The following CNTNAP2 variants were observed in gnomAD, a reference collection of about 807,000 sequenced individuals.
The protein encoded by CNTNAP2 is contactin associated protein 2.
A neutral mutation model predicts 155.2 loss-of-function variants in CNTNAP2; 98 were observed. The observed-to-expected ratio is 0.63, with a 90% CI of 0.54 to 0.75. The LOEUF (loss-of-function observed/expected upper bound fraction) is 0.75, where lower values mean the gene tolerates loss of function less well. Among genes scored for constraint, CNTNAP2 ranks in the 30% least tolerant of loss-of-function variants. The pLI is 0.00. For synonymous variants in CNTNAP2, 651 were observed against 631.2 expected (o/e 1.03, Z -0.47); for missense variants, 1,727 against 1,688.1 (o/e 1.02, Z -0.40).
chr7:148,317,583 A>G (rs1350775690), intron 21 of CNTNAP2, among the ~76,000 whole-genome samples: 1 of 152,204 alleles, frequency 6.6e-6, no homozygotes, highest in Non-Finnish European at 1.5e-5. Context: ...AGTAAACTGC[A>G]GTCCTGTTAC....
chr7:148,117,663 C>T (rs1252515499), intron 15 of CNTNAP2, among the ~76,000 whole-genome samples: 2 of 152,058 alleles, frequency 1.3e-5, no homozygotes, highest in Non-Finnish European at 2.9e-5. Flanking sequence ...CAAAACAGCC[C>T]CCACCCACCC....
At chr7:147,662,984 C>G (rs1022068657) in intron 13 of CNTNAP2, among the ~76,000 whole-genome samples, 1 of 150,108 alleles carries the variant, frequency 6.7e-6, no homozygotes, top group African/African-American at 2.5e-5. Context: ...CTGGATGTTT[C>G]TGGTTTGTTT....
chr7:146,876,659 G>A (rs1247673192), intron 3 of CNTNAP2, among the ~76,000 whole-genome samples: 1 of 152,076 alleles, frequency 6.6e-6, no homozygotes, highest in Non-Finnish European at 1.5e-5. Flanking sequence ...TTTAAAACAT[G>A]TATTCTCAAG....
At chr7:148,260,601 G>A (rs1796540837) in intron 20 of CNTNAP2, among the ~76,000 whole-genome samples, 1 of 152,194 alleles carries the variant, frequency 6.6e-6, no homozygotes, top group African/African-American at 2.4e-5. Context: ...CGGTTAAAAT[G>A]GGGTGATAAA....
chr7:146,774,306 C>T lies in CNTNAP2; in HGVS notation c.133C>T (p.His45Tyr), dbSNP rs746922194. 2.5e-6 allele frequency: 4 copies of T among 1,613,982 alleles called. No individual in the cohort carries two copies. Among genetic ancestry groups the T allele is most frequent in the South Asian group, 1.1e-5 (1 of 91,064 alleles). ...CDEPLVSGLP[H>Y]VAFSSSSSIS... ...TGAGCCACTTGTCTCTGGACTCCCC[C>T]ATGTGGCTTTCAGCAGCTCCTCCTC... Residue 45 changes from histidine (H) to tyrosine (Y), a missense_variant, in exon 2 of 24, where the codon CAT (histidine) becomes TAT (tyrosine). Transcript: ENST00000361727.
chr7:148,114,341 T>A (rs1804418284), intron 15 of CNTNAP2, among the ~76,000 whole-genome samples: 1 of 152,202 alleles, frequency 6.6e-6, no homozygotes, highest in Non-Finnish European at 1.5e-5. Context: ...AAAAGAACAT[T>A]CTGTCTCATG....
At chr7:146,991,213 T>A (rs367614583) in intron 3 of CNTNAP2, among the ~76,000 whole-genome samples, 1 of 148,828 alleles carries the variant, frequency 6.7e-6, no homozygotes, top group Admixed American at 6.6e-5. Context: ...TTGAAAGATT[T>A]GAGATATAGT....
chr7:147,874,980 T>C (rs1278257351), intron 13 of CNTNAP2, among the ~76,000 whole-genome samples: 1 of 152,184 alleles, frequency 6.6e-6, no homozygotes, highest in Non-Finnish European at 1.5e-5. Context: ...CACCTCAGCC[T>C]AGACTTTGTT....
intron 3 of CNTNAP2, among the ~76,000 whole-genome samples, chr7:146,850,957 T>C (rs780716770): frequency 5.9e-5 from 9 of 152,050 alleles, no homozygotes; most frequent in Non-Finnish European, 1.2e-4. Flanking sequence ...ATAGCGCTTG[T>C]ATATAAGATG....
intron 3 of CNTNAP2, among the ~76,000 whole-genome samples, chr7:146,959,477 C>G (rs371995588): frequency 6.6e-6 from 1 of 151,448 alleles, no homozygotes; most frequent in African/African-American, 2.4e-5. Flanking sequence ...CCCAGCACTT[C>G]GGGAGGCTGA....
At chr7:147,413,806 C>T (rs1391190707) in intron 10 of CNTNAP2, among the ~76,000 whole-genome samples, 1 of 152,054 alleles carries the variant, frequency 6.6e-6, no homozygotes, top group African/African-American at 2.4e-5. Flanking sequence ...TCTGGGCCCC[C>T]AGATACATGA....
intron 1 of CNTNAP2, among the ~76,000 whole-genome samples, chr7:146,129,262 A>T (rs1486726852): frequency 6.6e-6 from 1 of 152,192 alleles, no homozygotes; most frequent in Non-Finnish European, 1.5e-5. Context: ...AGATTTCAGA[A>T]TATTGCAAAT....
chr7:146,630,502 TATG>T (rs1317940339), intron 1 of CNTNAP2, among the ~76,000 whole-genome samples: 1 of 151,992 alleles, frequency 6.6e-6, no homozygotes, highest in African/African-American at 2.4e-5. Context: ...TATACCCAGT[TATG>T]ATGCTGGAAC....
Position 146,849,209 on chromosome 7 carries a change from T to G in CNTNAP2, c.402+9305T>G, listed in dbSNP as rs1008180110. 4.6e-5 allele frequency among the ~76,000 whole-genome samples: 7 copies of G among 152,184 alleles called. No homozygotes were observed. In the East Asian group the frequency reaches 1.3e-3, roughly 29 times the overall value. On this transcript the variant is annotated intron_variant, in intron 3 of 23. Coordinates refer to ENST00000361727, the MANE Select transcript of CNTNAP2 (RefSeq NM_014141.6). ...AGTTTATGCAGTCGCCTAGGGCACA[T>G]TTTTATCTCTGTGCCATTCATCATA... is the stretch of plus-strand genomic sequence containing the variant.
chr7:148,289,913 A>T (rs1260794631), intron 21 of CNTNAP2, among the ~76,000 whole-genome samples: 3 of 152,218 alleles, frequency 2.0e-5, no homozygotes, highest in Non-Finnish European at 4.4e-5. Context: ...TTAAAGCCTG[A>T]GTTATTTTTT....
At chr7:147,292,954 G>C (rs1406787524) in intron 8 of CNTNAP2, among the ~76,000 whole-genome samples, 1 of 152,080 alleles carries the variant, frequency 6.6e-6, no homozygotes, top group African/African-American at 2.4e-5. Context: ...TTTTAGTAGA[G>C]ACGGGGTTTC....
rs145069760 is a variant in CNTNAP2, at chr7:146,420,922, A to G, written c.97+303949A>G. 1.9e-3 allele frequency among the ~76,000 whole-genome samples: 289 copies of G among 152,208 alleles called. 1 individual carries two copies. Among genetic ancestry groups the G allele is most frequent in the African/African-American group, 6.2e-3 (257 of 41,562 alleles). On this transcript the variant is annotated intron_variant, in intron 1 of 23. Transcript: ENST00000361727. ...AAACAAAAGTTATGCAAGCTTTCACATTGGACTGTTCAGAATGCCCTGATA... is the reference window on the plus strand; with the variant it reads ...AAACAAAAGTTATGCAAGCTTTCACGTTGGACTGTTCAGAATGCCCTGATA...
At chr7:147,093,118 G>A (rs1383161774) in intron 4 of CNTNAP2, among the ~76,000 whole-genome samples, 1 of 151,090 alleles carries the variant, frequency 6.6e-6, no homozygotes, top group East Asian at 1.9e-4. Context: ...GCGGATGCCT[G>A]TAGTCCCAGC....
chr7:146,708,588 ATT>A (rs71165029), intron 1 of CNTNAP2, among the ~76,000 whole-genome samples: 3 of 63,956 alleles, frequency 4.7e-5, no homozygotes, highest in Non-Finnish European at 7.4e-5. Context: ...AAAAAAAGTG[ATT>A]TTTTTTTTTT....
Sources: gnomAD v4.1 joint callset for allele counts (sites outside exome capture counted in the v4.1 genomes callset) on GRCh38, gnomAD v4.1.1 for gene constraint, MANE v1.5 for transcripts, NCBI Gene and HGNC (gene_info 2026-07-23, HGNC 2026-07-21) for gene names.